The following PPIP5K2 variants were observed in gnomAD, a reference collection of about 807,000 sequenced individuals.
The protein encoded by PPIP5K2 is diphosphoinositol pentakisphosphate kinase 2.
Under a neutral mutation model 154.6 loss-of-function variants are expected in PPIP5K2, and 105 were observed. That is an observed-to-expected ratio of 0.68 (90% CI 0.58 to 0.80). PPIP5K2 has a LOEUF of 0.80. Among genes scored for constraint, PPIP5K2 ranks in the 30% least tolerant of loss-of-function variants. The pLI is 0.00. For missense variants in PPIP5K2, 992 were observed against 1,504.6 expected (o/e 0.66, Z 5.64); for synonymous variants, 480 against 490.3 (o/e 0.98, Z 0.28).
At position 103,201,503 on chromosome 5, in the gene PPIP5K2, T is replaced by C. The variant is rs782619558; in HGVS notation, c.3620-19T>C. The C allele has an allele frequency of 8.2e-6, 12 of 1,456,494 alleles. No homozygotes were observed. In the South Asian group the frequency reaches 1.6e-4, roughly 20 times the overall value. 90.2% of individuals were successfully genotyped at this position (1,456,494 alleles called of 1,614,324 possible). Reference sequence around the variant, plus strand: ...AAATTTAAGCAATAGTTTTTTTTTTTTGTTTTTGTTTTATGTAGCTACAAG... The same window carrying C: ...AAATTTAAGCAATAGTTTTTTTTTTCTGTTTTTGTTTTATGTAGCTACAAG... On this transcript the variant is annotated intron_variant, in intron 30 of 30. Coordinates refer to ENST00000358359, the MANE Select transcript of PPIP5K2 (RefSeq NM_001276277.3).
At chr5:103,191,640 T>C (rs570860527) in intron 29 of PPIP5K2, among the ~76,000 whole-genome samples, 1 of 152,268 alleles carries the variant, frequency 6.6e-6, no homozygotes, top group East Asian at 1.9e-4. Context: ...ACTTATTTTT[T>C]AGAAAACACT....
chr5:103,189,133 A>G, intron 28 of PPIP5K2: 1 of 1,461,890 alleles, frequency 6.8e-7, no homozygotes, highest in Middle Eastern at 1.7e-4. Context: ...ATCTTCTGAC[A>G]GTGCTTTACC....
chr5:103,154,811 T>C (rs1554212539), intron 12 of PPIP5K2, 23 bp from the exon 13 acceptor site: 2 of 1,546,064 alleles, frequency 1.3e-6, no homozygotes, highest in Non-Finnish European at 8.7e-7. Context: ...AAAAATTCAA[T>C]TTTTTATTAA....
At chr5:103,174,801 C>T (rs904837321) in intron 21 of PPIP5K2, among the ~76,000 whole-genome samples, 1 of 152,064 alleles carries the variant, frequency 6.6e-6, no homozygotes, top group Non-Finnish European at 1.5e-5. Flanking sequence ...GCTGAGTGTC[C>T]CTGTCCTATT....
chr5:103,146,256 A>G (rs1214008117), intron 5 of PPIP5K2, among the ~76,000 whole-genome samples: 5 of 152,050 alleles, frequency 3.3e-5, no homozygotes, highest in East Asian at 1.9e-4. Flanking sequence ...TTCTTGATAT[A>G]ATAATTTCAC....
intron 15 of PPIP5K2, 48 bp downstream of exon 15, chr5:103,158,361 T>C (rs1795734154): frequency 6.3e-7 from 1 of 1,596,628 alleles, no homozygotes; most frequent in Admixed American, 1.8e-5. Context: ...TAAATTGTAT[T>C]TTGAAATCCT....
At chr5:103,134,817 G>GA (rs1554203689) in intron 3 of PPIP5K2, among the ~76,000 whole-genome samples, 1 of 152,140 alleles carries the variant, frequency 6.6e-6, no homozygotes, top group African/African-American at 2.4e-5. Context: ...CATAGACATT[G>GA]AGACATCTTT....
chr5:103,156,888 A>T (rs1795498267), intron 14 of PPIP5K2, among the ~76,000 whole-genome samples: 2 of 152,162 alleles, frequency 1.3e-5, no homozygotes, highest in African/African-American at 4.8e-5. Flanking sequence ...GATTATCTTA[A>T]ATGCAGACAC....
At chr5:103,121,558 T>C (rs187222908) in intron 1 of PPIP5K2, among the ~76,000 whole-genome samples, 21 of 152,356 alleles carry the variant, frequency 1.4e-4, no homozygotes, top group African/African-American at 4.8e-4. Flanking sequence ...ATTTTCAGTG[T>C]CTGAAAGTAT....
In PPIP5K2 at chr5:103,187,486, T is replaced by G. The variant is rs536403035; in HGVS notation, c.3352+110T>G. 15 of 835,522 alleles carry G rather than the reference T, an allele frequency of 1.8e-5. No homozygotes were observed. In the African/African-American group the frequency reaches 2.6e-4, roughly 14 times the overall value. 51.8% of individuals were successfully genotyped at this position (835,522 alleles called of 1,614,324 possible). ...GTATCATTCATTTCTTCATCCTTAA[T>G]GTCAATTGGCGTACAATTCCAACTT... On this transcript the variant is annotated intron_variant, in intron 28 of 30. Coordinates refer to ENST00000358359, the MANE Select transcript of PPIP5K2 (RefSeq NM_001276277.3).
intron 1 of PPIP5K2, among the ~76,000 whole-genome samples, chr5:103,128,983 G>C (rs1790175862): frequency 6.6e-6 from 1 of 151,970 alleles, no homozygotes; most frequent in African/African-American, 2.4e-5. Flanking sequence ...AAGAGATTTA[G>C]CTTTAATATA....
chr5:103,144,801 T>C (rs1554208631), intron 5 of PPIP5K2, among the ~76,000 whole-genome samples: 2 of 152,106 alleles, frequency 1.3e-5, no homozygotes, highest in Admixed American at 6.6e-5. Flanking sequence ...CCTGAAGCTA[T>C]GCAACTACTA....
rs1210213233 is a variant in PPIP5K2, at chr5:103,205,904, T to G, written c.*4270T>G. The G allele has an allele frequency of 6.6e-6, 1 of 152,196 alleles. No homozygotes were observed. The highest frequency in any genetic ancestry group is 1.5e-5 in the Non-Finnish European group (1 of 68,042). 9.4% of individuals were successfully genotyped at this position (152,196 alleles called of 1,614,324 possible). ...ATTCATCTTTTTACTTTTTGGTATT[T>G]GTGTCACTTTGTTTTAGGTTATTTA... On this transcript the variant is annotated 3_prime_UTR_variant, in exon 31 of 31. Transcript: ENST00000358359.
At chr5:103,167,990 A>T in intron 18 of PPIP5K2, 82 bp from the exon 19 acceptor site, 1 of 881,078 alleles carries the variant, frequency 1.1e-6, no homozygotes, top group South Asian at 1.8e-5. Flanking sequence ...CACTTTAAAA[A>T]GTTTCTAATT....
chr5:103,186,662 TTGAAA>T (rs1554225249), intron 27 of PPIP5K2, among the ~76,000 whole-genome samples: 1 of 152,224 alleles, frequency 6.6e-6, no homozygotes, highest in African/African-American at 2.4e-5. Flanking sequence ...AATAAGTTTG[TTGAAA>T]TGGAAAACTT....
rs750876129 is a variant in PPIP5K2, at chr5:103,129,569, T to C, written c.-21T>C. 6.5e-7 allele frequency: 1 copy of C among 1,548,238 alleles called. No homozygotes were observed. The highest frequency in any genetic ancestry group is 1.2e-5 in the South Asian group (1 of 82,054). ...TTTAATATAAATCATTTCAATTATATCTACATCAAATAAAATAAAAATGAG... is the reference window on the plus strand; with the variant it reads ...TTTAATATAAATCATTTCAATTATACCTACATCAAATAAAATAAAAATGAG... On this transcript the variant is annotated 5_prime_UTR_variant, in exon 2 of 31. Coordinates refer to ENST00000358359, the MANE Select transcript of PPIP5K2 (RefSeq NM_001276277.3).
At chr5:103,135,227 A>G (rs1791272855) in intron 3 of PPIP5K2, among the ~76,000 whole-genome samples, 1 of 152,158 alleles carries the variant, frequency 6.6e-6, no homozygotes, top group Non-Finnish European at 1.5e-5. Flanking sequence ...ACTATTATTA[A>G]TTCCTCAAAA....
At chr5:103,122,110 A>G (rs564421450) in intron 1 of PPIP5K2, among the ~76,000 whole-genome samples, 7 of 152,310 alleles carry the variant, frequency 4.6e-5, no homozygotes, top group Admixed American at 2.6e-4. Context: ...CTGTGTGTAT[A>G]AATAGCAAAT....
intron 19 of PPIP5K2, among the ~76,000 whole-genome samples, chr5:103,170,056 A>C (rs1797743581): frequency 6.6e-6 from 1 of 151,488 alleles, no homozygotes; most frequent in Non-Finnish European, 1.5e-5. Context: ...TATACTAAAT[A>C]TTTTACAACT....
Sources: gnomAD v4.1 joint callset for allele counts (sites outside exome capture counted in the v4.1 genomes callset) on GRCh38, gnomAD v4.1.1 for gene constraint, MANE v1.5 for transcripts, NCBI Gene and HGNC (gene_info 2026-07-23, HGNC 2026-07-21) for gene names.